The following ZNF366 variants were observed in gnomAD, a reference collection of about 807,000 sequenced individuals.
ZNF366 encodes zinc finger protein 366, also known as dendritic cell-specific transcript protein.
Under a neutral mutation model 47.2 loss-of-function variants are expected in ZNF366, and 20 were observed. That is an observed-to-expected ratio of 0.42 (90% CI 0.30 to 0.62). The LOEUF is 0.62. Among genes scored for constraint, ZNF366 ranks in the 20% least tolerant of loss-of-function variants. The probability of loss-of-function intolerance (pLI) is 0.16; values close to 1 mark genes in which losing one functional copy is unlikely to be tolerated. For missense variants in ZNF366, 987 were observed against 976.3 expected (o/e 1.01, Z -0.15); for synonymous variants, 421 against 395.1 (o/e 1.07, Z -0.78).
rs1743309140 is a variant in ZNF366 at position 72,461,366 on chromosome 5, A to G, written c.131T>C (p.Phe44Ser). The G allele has an allele frequency of 1.2e-6, 2 of 1,613,832 alleles. No homozygotes were observed. Among genetic ancestry groups the G allele is most frequent in the African/African-American group, 2.7e-5 (2 of 74,980 alleles). ...SRGKAPQRHP[F>S]PEALRGPFSQ... is the part of the protein sequence containing the mutation. ...AAATGGCCCTCGGAGAGCTTCCGGG[A>G]AGGGGTGTCTTTGGGGAGCCTTTCC... Residue 44 changes from phenylalanine to serine, a missense_variant, in exon 2 of 5, where the codon TTC becomes TCC. Phe to Ser is a radical substitution (Grantham distance 155). Coordinates refer to ENST00000318442, the MANE Select transcript of ZNF366 (RefSeq NM_152625.3).
At chr5:72,463,231 G>A (rs1743364128) in intron 1 of ZNF366, among the ~76,000 whole-genome samples, 1 of 152,186 alleles carries the variant, frequency 6.6e-6, no homozygotes, top group South Asian at 2.1e-4. Context: ...TAAATGGCAT[G>A]TGTGTCTTTT....
At chr5:72,505,010 C>T (rs1161088562) in intron 1 of ZNF366, among the ~76,000 whole-genome samples, 1 of 152,178 alleles carries the variant, frequency 6.6e-6, no homozygotes, top group African/African-American at 2.4e-5. Context: ...ATTTGACTCA[C>T]ATCCCAGCAC....
intron 1 of ZNF366, among the ~76,000 whole-genome samples, chr5:72,500,253 T>C (rs10063693): frequency 0.19 from 29,572 of 152,132 alleles, 3,023 homozygotes; most frequent in East Asian, 0.38. Context: ...TGCCCTAATG[T>C]GTGCACTATG....
At position 72,463,009 on chromosome 5, in the gene ZNF366, C is replaced by G. The variant is rs1001754106; in HGVS notation, c.-14-1499G>C. Among the ~76,000 whole-genome samples, 7 of 152,308 alleles carry G rather than the reference C, an allele frequency of 4.6e-5. No individual in the cohort carries two copies. The South Asian group carries it at 1.5e-3, about 32-fold the overall frequency. Reference sequence around the variant, plus strand: ...GCTCCCATGGAGCCAGCTGGCTTGGCCAGGTGTAAGGTCTGATGTAGGGCC... The same window carrying G: ...GCTCCCATGGAGCCAGCTGGCTTGGGCAGGTGTAAGGTCTGATGTAGGGCC... On this transcript the variant is annotated intron_variant, in intron 1 of 4. Coordinates refer to ENST00000318442, the MANE Select transcript of ZNF366 (RefSeq NM_152625.3).
chr5:72,456,559 C>G lies in ZNF366; in HGVS notation c.1369G>C (p.Glu457Gln). The G allele has an allele frequency of 6.2e-7, 1 of 1,612,104 alleles. No individual in the cohort carries two copies. The highest frequency in any genetic ancestry group is 8.5e-7 in the Non-Finnish European group (1 of 1,178,482). Reference sequence around the variant, plus strand: ...TTCATGTTGGCCAGCAGGGTGAACTCCCGCCCACAAATCCCACACTTATGC... The same window carrying G: ...TTCATGTTGGCCAGCAGGGTGAACTGCCGCCCACAAATCCCACACTTATGC... ...KEHKCGICGR[E>Q]FTLLANMKRH... is the part of the protein sequence containing the mutation. The change falls in exon 3 of 5, where the codon GAG becomes CAG. Residue 457 changes from glutamate (E) to glutamine (Q), a missense_variant. Transcript: ENST00000318442.
chr5:72,504,941 G>A (rs774474832), intron 1 of ZNF366, among the ~76,000 whole-genome samples: 3 of 152,196 alleles, frequency 2.0e-5, no homozygotes, highest in Non-Finnish European at 4.4e-5. Flanking sequence ...AGTAGGCAAC[G>A]AAGCTGAAAT....
intron 1 of ZNF366, among the ~76,000 whole-genome samples, chr5:72,481,153 A>G (rs1391015538): frequency 6.6e-6 from 1 of 152,210 alleles, no homozygotes; most frequent in African/African-American, 2.4e-5. Flanking sequence ...AGAACAGAAG[A>G]AAGTCCTGAA....
At chr5:72,484,644 A>G (rs987270095) in intron 1 of ZNF366, among the ~76,000 whole-genome samples, 9 of 152,110 alleles carry the variant, frequency 5.9e-5, no homozygotes, top group Non-Finnish European at 2.9e-5. Context: ...CACCTTTCAG[A>G]TATCATAGAG....
chr5:72,473,481 T>G (rs530667235), intron 1 of ZNF366, among the ~76,000 whole-genome samples: 50 of 152,346 alleles, frequency 3.3e-4, no homozygotes, highest in African/African-American at 1.2e-3. Flanking sequence ...AGTCCAACTC[T>G]GTTCCCCTTC....
intron 1 of ZNF366, among the ~76,000 whole-genome samples, chr5:72,469,727 A>T (rs1020201383): frequency 7.9e-5 from 12 of 152,192 alleles, no homozygotes; most frequent in Non-Finnish European, 1.6e-4. Context: ...ATCTTCTATA[A>T]TTGCCCTAAC....
chr5:72,497,477 T>A (rs1744138596), intron 1 of ZNF366, among the ~76,000 whole-genome samples: 1 of 152,192 alleles, frequency 6.6e-6, no homozygotes, highest in Admixed American at 6.5e-5. Context: ...TTATGTTCCC[T>A]CATTTAGTAG....
chr5:72,468,232 C>T (rs913641492), intron 1 of ZNF366, among the ~76,000 whole-genome samples: 5 of 152,172 alleles, frequency 3.3e-5, no homozygotes, highest in Admixed American at 2.6e-4. Context: ...AGTGAATGTT[C>T]TGCCTCGTCA....
chr5:72,456,639 C>A (rs1433076324), intron 2 of ZNF366, 44 bp from the exon 3 acceptor site: 2 of 1,532,730 alleles, frequency 1.3e-6, no homozygotes, highest in Admixed American at 1.8e-5. Flanking sequence ...TGACAGGTAA[C>A]ATGCTTTCAT....
At chr5:72,464,968 C>T (rs34311219) in intron 1 of ZNF366, among the ~76,000 whole-genome samples, 45,407 of 150,950 alleles carry the variant, frequency 0.3, 7,549 homozygotes, top group African/African-American at 0.43. Flanking sequence ...TGAGGCAGGA[C>T]GATTGCTTGA....
intron 1 of ZNF366, among the ~76,000 whole-genome samples, chr5:72,468,329 A>G (rs1450805804): frequency 6.6e-6 from 1 of 152,174 alleles, no homozygotes; most frequent in African/African-American, 2.4e-5. Context: ...TCTGGCCCCC[A>G]TTTAATTTAT....
chr5:72,503,444 C>T (rs1744254869), intron 1 of ZNF366, among the ~76,000 whole-genome samples: 2 of 151,998 alleles, frequency 1.3e-5, no homozygotes, highest in Admixed American at 1.3e-4. Context: ...AGAATCACAG[C>T]ATGTCAGCAA....
Position 72,443,680 on chromosome 5 carries a change from A to G in ZNF366, c.*76T>C. 6.8e-7 allele frequency: 1 copy of G among 1,463,208 alleles called. No homozygotes were observed. Among genetic ancestry groups the G allele is most frequent in the South Asian group, 1.3e-5 (1 of 74,258 alleles). The allele number at this position is 1,463,208 out of a possible 1,614,324, so 90.6% of individuals were successfully genotyped here. On this transcript the variant is annotated 3_prime_UTR_variant, in exon 5 of 5. Coordinates refer to ENST00000318442, the MANE Select transcript of ZNF366 (RefSeq NM_152625.3). ...TGGTACTATTCGCCAGTCTCCAGAA[A>G]ATGACAGTTCATGCAGAAAGCTATA...
chr5:72,445,013 C>T (rs978135789), intron 4 of ZNF366, among the ~76,000 whole-genome samples: 1 of 152,042 alleles, frequency 6.6e-6, no homozygotes, highest in Non-Finnish European at 1.5e-5. Flanking sequence ...CAAAGAGAAC[C>T]TATTTGGGGC....
rs755817121 is a variant in ZNF366 at position 72,461,498 on chromosome 5, C to T, written c.-2G>A. On this transcript the variant is annotated 5_prime_UTR_variant, in exon 2 of 5. Transcript: ENST00000318442. ...GATCATCTTCATTTCCTTCTGCATC[C>T]TTGGCAATTTTCCTTTAAAGAGAAA... The T allele has an allele frequency of 6.5e-7, 1 of 1,533,800 alleles. No homozygotes were observed. The highest frequency in any genetic ancestry group is 8.8e-7 in the Non-Finnish European group (1 of 1,142,366).
Sources: allele counts gnomAD v4.1 joint callset (sites outside exome capture counted in the v4.1 genomes callset), GRCh38; gene constraint gnomAD v4.1.1; transcripts MANE v1.5; gene names NCBI Gene and HGNC (gene_info 2026-07-23, HGNC 2026-07-21).